Variants in SGCD observed in about 807,000 individuals in gnomAD.
The protein encoded by SGCD is sarcoglycan delta, also known as delta-sarcoglycan.
In SGCD, 18 loss-of-function variants were observed where a neutral mutation model predicts 36.6. The observed-to-expected ratio is 0.49, with a 90% CI of 0.34 to 0.73. SGCD has a LOEUF of 0.73. SGCD is among the 30% of genes least tolerant of loss of function. SGCD has a pLI of 0.01. For synonymous variants in SGCD, 133 were observed against 130.6 expected (o/e 1.02, Z -0.12); for missense variants, 387 against 346.7 (o/e 1.12, Z -0.92).
intron 3 of SGCD, among the ~76,000 whole-genome samples, chr5:156,217,212 G>T (rs1764599534): frequency 6.6e-6 from 1 of 152,234 alleles, no homozygotes; most frequent in African/African-American, 2.4e-5. Flanking sequence ...TGACCTCACT[G>T]AAAGTGAAAT....
At chr5:155,839,662 A>G in the SGCD span, among the ~76,000 whole-genome samples, 1 of 152,122 alleles carries the variant, frequency 6.6e-6, no homozygotes, top group African/African-American at 2.4e-5. Context: ...TTATATCTGT[A>G]TTTACTCATT....
intron 3 of SGCD, among the ~76,000 whole-genome samples, chr5:156,420,832 C>T (rs1422221423): frequency 6.6e-6 from 1 of 152,034 alleles, no homozygotes; most frequent in Non-Finnish European, 1.5e-5. Context: ...GATGAAGAAC[C>T]ATTTTGGATG....
chr5:156,167,797 T>A (rs551364757), intron 3 of SGCD, among the ~76,000 whole-genome samples: 1 of 152,340 alleles, frequency 6.6e-6, no homozygotes, highest in East Asian at 1.9e-4. Context: ...GCTGGTGCCA[T>A]GCTTGTACAG....
chr5:156,528,742 G>A (rs929060951), intron 4 of SGCD, among the ~76,000 whole-genome samples: 9 of 152,130 alleles, frequency 5.9e-5, no homozygotes, highest in Admixed American at 5.9e-4. Context: ...CCTCCTATAT[G>A]CCTTGATTCA....
intron 1 of SGCD, among the ~76,000 whole-genome samples, chr5:155,932,747 A>G (rs13178470): frequency 0.41 from 62,307 of 152,058 alleles, 15,844 homozygotes; most frequent in Non-Finnish European, 0.57. Context: ...ATCTCTTTGT[A>G]TTTAATGAAT....
chr5:155,734,070 TATA>T, the SGCD span, among the ~76,000 whole-genome samples: 1 of 147,310 alleles, frequency 6.8e-6, no homozygotes, highest in African/African-American at 2.5e-5. Context: ...TTTTATTTAT[TATA>T]TTATTATTAT....
At chr5:156,595,470 A>G (rs534398267) in intron 6 of SGCD, among the ~76,000 whole-genome samples, 15 of 152,302 alleles carry the variant, frequency 9.8e-5, no homozygotes, top group South Asian at 8.3e-4. Flanking sequence ...ACTGACTAAG[A>G]CAAATGGTGT....
At chr5:156,028,711 C>T (rs1759276619) in intron 1 of SGCD, among the ~76,000 whole-genome samples, 1 of 152,010 alleles carries the variant, frequency 6.6e-6, no homozygotes, top group African/African-American at 2.4e-5. Flanking sequence ...AATATTTGTA[C>T]CACACATCAT....
intron 1 of SGCD, among the ~76,000 whole-genome samples, chr5:156,071,056 A>G (rs558803388): frequency 1.6e-4 from 25 of 152,130 alleles, no homozygotes; most frequent in African/African-American, 5.5e-4. Flanking sequence ...CGGTCTATCA[A>G]TTTTGTTGAT....
chr5:155,967,000 T>C (rs1327403589), intron 1 of SGCD, among the ~76,000 whole-genome samples: 1 of 151,780 alleles, frequency 6.6e-6, no homozygotes, highest in Non-Finnish European at 1.5e-5. Context: ...TGCGTATGTG[T>C]GTATTTGTGT....
chr5:156,168,972 G>A (rs1052630681), intron 3 of SGCD, among the ~76,000 whole-genome samples: 3 of 152,194 alleles, frequency 2.0e-5, no homozygotes, highest in Non-Finnish European at 4.4e-5. Flanking sequence ...GAGGGAGTGA[G>A]GCTGAGGGCT....
At chr5:156,217,167 G>C (rs757822305) in intron 3 of SGCD, among the ~76,000 whole-genome samples, 1 of 152,170 alleles carries the variant, frequency 6.6e-6, no homozygotes, top group Non-Finnish European at 1.5e-5. Context: ...AAGTATTAAC[G>C]TGATTGACAA....
chr5:156,631,948 G>T (rs952258324), intron 6 of SGCD, among the ~76,000 whole-genome samples: 1 of 152,098 alleles, frequency 6.6e-6, no homozygotes, highest in African/African-American at 2.4e-5. Flanking sequence ...ATTATTTAGG[G>T]TATGTCTAAT....
At chr5:155,779,419 T>C in the SGCD span, among the ~76,000 whole-genome samples, 1 of 152,184 alleles carries the variant, frequency 6.6e-6, no homozygotes, top group Non-Finnish European at 1.5e-5. Flanking sequence ...GTCTGGGTGA[T>C]GGAGCGATAC....
chr5:156,150,379 T>C (rs894047033), intron 3 of SGCD, among the ~76,000 whole-genome samples: 1 of 151,656 alleles, frequency 6.6e-6, no homozygotes, highest in Admixed American at 6.6e-5. Flanking sequence ...TCTGCTTCCA[T>C]CCCCTTTGTA....
chr5:156,515,602 C>G (rs996046893), intron 4 of SGCD, among the ~76,000 whole-genome samples: 7 of 152,194 alleles, frequency 4.6e-5, no homozygotes, highest in African/African-American at 1.7e-4. Flanking sequence ...ATTGTGCTAC[C>G]CTGCCAAGGA....
At chr5:156,233,021 T>C (rs916472651) in intron 3 of SGCD, among the ~76,000 whole-genome samples, 1 of 152,236 alleles carries the variant, frequency 6.6e-6, no homozygotes, top group Admixed American at 6.5e-5. Context: ...GAGTTCTTGA[T>C]GCATAGTTTT....
chr5:155,844,009 ACT>A, the SGCD span, among the ~76,000 whole-genome samples: 1 of 152,038 alleles, frequency 6.6e-6, no homozygotes, highest in Non-Finnish European at 1.5e-5. Context: ...CTCTGAACAA[ACT>A]CTACCAGTTA....
intron 3 of SGCD, among the ~76,000 whole-genome samples, chr5:156,163,682 C>G (rs567579565): frequency 6.6e-6 from 1 of 151,436 alleles, no homozygotes; most frequent in African/African-American, 2.4e-5. Flanking sequence ...AGAAATGACA[C>G]GAACTGATTT....
Sources: gnomAD v4.1 joint callset for allele counts (sites outside exome capture counted in the v4.1 genomes callset) on GRCh38, gnomAD v4.1.1 for gene constraint, MANE v1.5 for transcripts, NCBI Gene and HGNC (gene_info 2026-07-23, HGNC 2026-07-21) for gene names.